Variants in DKK3 observed in about 807,000 individuals in gnomAD.
DKK3 encodes the protein dickkopf Wnt signaling pathway inhibitor 3, also known as dickkopf-related protein 3.
Under a neutral mutation model 33.2 loss-of-function variants are expected in DKK3, and 22 were observed. The ratio of observed to expected loss-of-function variants is 0.66; its 90% CI spans 0.47 to 0.95. The LOEUF is 0.95. Among genes scored for constraint, DKK3 ranks in the 40% least tolerant of loss-of-function variants. DKK3 has a pLI of 0.00. For synonymous variants in DKK3, 194 were observed against 188.8 expected (o/e 1.03, Z -0.23); for missense variants, 398 against 458.4 (o/e 0.87, Z 1.20).
chr11:12,009,626 C>T, upstream of DKK3: 1 of 985,804 alleles, frequency 1.0e-6, no homozygotes, highest in Non-Finnish European at 1.2e-6. Flanking sequence ...GGGGAATGTT[C>T]CTCAGTCCCA....
intron 2 of DKK3, among the ~76,000 whole-genome samples, chr11:12,000,488 T>G (rs1228614827): frequency 6.6e-6 from 1 of 150,948 alleles, no homozygotes; most frequent in Non-Finnish European, 1.5e-5. Flanking sequence ...AATATAGGCA[T>G]AAGCCACCGT....
chr11:11,965,497 T>C (rs1031135414), intron 6 of DKK3, among the ~76,000 whole-genome samples: 1 of 152,240 alleles, frequency 6.6e-6, no homozygotes, highest in Middle Eastern at 3.4e-3. Flanking sequence ...TTATCTGTCA[T>C]TGTGACAGGT....
chr11:12,000,968 A>G (rs983970605), intron 2 of DKK3, among the ~76,000 whole-genome samples: 5 of 152,204 alleles, frequency 3.3e-5, no homozygotes, highest in African/African-American at 1.2e-4. Context: ...AGGTCATTTG[A>G]CCTGCACAGT....
chr11:11,993,776 G>C (rs1015525767), intron 3 of DKK3, among the ~76,000 whole-genome samples: 2 of 152,162 alleles, frequency 1.3e-5, no homozygotes, highest in Non-Finnish European at 2.9e-5. Flanking sequence ...GTCAGACTAT[G>C]GAACTGAACA....
At chr11:11,985,341 C>T (rs1266794569) in intron 3 of DKK3, among the ~76,000 whole-genome samples, 1 of 152,216 alleles carries the variant, frequency 6.6e-6, no homozygotes, top group Admixed American at 6.5e-5. Context: ...ACAGTGAGCT[C>T]CCCAAGCTCT....
intron 1 of DKK3, among the ~76,000 whole-genome samples, chr11:12,004,377 G>A (rs1450790201): frequency 6.6e-6 from 1 of 152,224 alleles, no homozygotes; most frequent in Non-Finnish European, 1.5e-5. Flanking sequence ...CAGAAAGAGA[G>A]GGGAGTCAGG....
intron 6 of DKK3, 65 bp downstream of exon 6, chr11:11,965,730 TGCTCCTGCTCCTAC>T (rs1287728868): frequency 1.3e-6 from 2 of 1,523,748 alleles, no homozygotes; most frequent in Admixed American, 2.1e-5. Context: ...AGGGAAAACC[TGCTCCTGCTCCTAC>T]GCCCCTGCTG....
chr11:11,976,742 T>C (rs567940972), intron 3 of DKK3, among the ~76,000 whole-genome samples: 202 of 152,324 alleles, frequency 1.3e-3, no homozygotes, highest in African/African-American at 4.6e-3. Flanking sequence ...GACTGGAGGA[T>C]TAGCAACAGT....
At chr11:12,002,573 A>G (rs989851384) in intron 1 of DKK3, 136 bp from the exon 2 acceptor site, 12 of 891,246 alleles carry the variant, frequency 1.3e-5, no homozygotes, top group Non-Finnish European at 1.9e-5. Context: ...TTAATTGAGT[A>G]CTCACTATGA....
At chr11:11,982,054 C>A (rs765697759) in intron 3 of DKK3, among the ~76,000 whole-genome samples, 2 of 152,150 alleles carry the variant, frequency 1.3e-5, no homozygotes, top group African/African-American at 4.8e-5. Flanking sequence ...CCCAGCATTG[C>A]CCCCGGTGAT....
rs1468248693 is a variant in DKK3 at position 11,963,381 on chromosome 11, T to C, written c.*1083A>G. 4.6e-5 allele frequency: 7 copies of C among 152,308 alleles called. No individual in the cohort carries two copies. The highest frequency in any genetic ancestry group is 3.9e-4 in the Admixed American group (6 of 15,286). The allele number at this position is 152,308 out of a possible 1,614,324, so 9.4% of individuals were successfully genotyped here. On this transcript the variant is annotated 3_prime_UTR_variant, in exon 7 of 7. Coordinates refer to ENST00000683431, the MANE Select transcript of DKK3 (RefSeq NM_001018057.2). ...GTTGATAATTGTCTTCAGTTGCTGC[T>C]AAGTGATTTTGCAAATTTCATTTAT...
chr11:11,995,246 A>T (rs60675040), intron 3 of DKK3, among the ~76,000 whole-genome samples: 2,022 of 152,002 alleles, frequency 0.013, 31 homozygotes, highest in African/African-American at 0.046. Flanking sequence ...GGCCCGGCTA[A>T]TTTTTTTTAT....
chr11:11,985,341 C>G (rs1266794569), intron 3 of DKK3, among the ~76,000 whole-genome samples: 1 of 152,216 alleles, frequency 6.6e-6, no homozygotes, highest in Admixed American at 6.5e-5. Flanking sequence ...ACAGTGAGCT[C>G]CCCAAGCTCT....
At chr11:12,005,591 C>T (rs1248780845) in intron 1 of DKK3, among the ~76,000 whole-genome samples, 2 of 152,150 alleles carry the variant, frequency 1.3e-5, no homozygotes, top group Admixed American at 6.5e-5. Flanking sequence ...CAATAATGAC[C>T]GTACAAGTAG....
chr11:11,979,132 G>C (rs1847901428), intron 3 of DKK3: 1 of 152,374 alleles, frequency 6.6e-6, no homozygotes, highest in Non-Finnish European at 1.5e-5. Flanking sequence ...ACTCTCCCCA[G>C]CCTGACTTTT....
At chr11:12,007,453 G>C (rs1268933535) in intron 1 of DKK3, among the ~76,000 whole-genome samples, 3 of 152,174 alleles carry the variant, frequency 2.0e-5, no homozygotes, top group Admixed American at 1.3e-4. Context: ...GGACAGAGAG[G>C]GCTGGGCCAG....
At chr11:12,001,095 C>T (rs1018137894) in intron 2 of DKK3, among the ~76,000 whole-genome samples, 7 of 152,190 alleles carry the variant, frequency 4.6e-5, no homozygotes, top group African/African-American at 1.7e-4. Context: ...CTCAGGTATT[C>T]TGACATTTAC....
chr11:11,964,987 C>A (rs545508173), intron 6 of DKK3, among the ~76,000 whole-genome samples: 1 of 152,214 alleles, frequency 6.6e-6, no homozygotes, highest in Non-Finnish European at 1.5e-5. Context: ...GTAGCAGCAC[C>A]ACAGCCCCTC....
At chr11:11,976,686 C>CT (rs766817999) in intron 3 of DKK3, among the ~76,000 whole-genome samples, 2 of 152,202 alleles carry the variant, frequency 1.3e-5, no homozygotes, top group Non-Finnish European at 2.9e-5. Flanking sequence ...CCAGCTGTGC[C>CT]TGCTGCAGGA....
Sources: gnomAD v4.1 joint callset for allele counts (sites outside exome capture counted in the v4.1 genomes callset) on GRCh38, gnomAD v4.1.1 for gene constraint, MANE v1.5 for transcripts, NCBI Gene and HGNC (gene_info 2026-07-23, HGNC 2026-07-21) for gene names.